Variants in AFF2 observed in about 807,000 individuals in gnomAD.
AFF2 encodes the protein AF4/FMR2 family member 2.
A neutral mutation model predicts 76.9 loss-of-function variants in AFF2; 14 were observed. The observed-to-expected ratio is 0.18, with a 90% CI of 0.12 to 0.28. The LOEUF (loss-of-function observed/expected upper bound fraction) is 0.28, where lower values mean the gene tolerates loss of function less well. Ranked by LOEUF, AFF2 falls within the 10% of genes least tolerant of loss-of-function variation. AFF2 has a pLI of 1.00. For missense variants in AFF2, 868 were observed against 1,001.1 expected (o/e 0.87, Z 1.79); for synonymous variants, 398 against 366.7 (o/e 1.09, Z -0.98).
chrX:148,714,437 T>C (rs1338885449), intron 3 of AFF2, among the ~76,000 whole-genome samples: 1 of 111,738 alleles, frequency 8.9e-6, no homozygotes, highest in Non-Finnish European at 1.9e-5. Context: ...GCTTATTTTT[T>C]TAAGATAGAA....
intron 3 of AFF2, among the ~76,000 whole-genome samples, chrX:148,721,155 A>C (rs1557263775): frequency 8.9e-6 from 1 of 112,098 alleles, no homozygotes; most frequent in Non-Finnish European, 1.9e-5. Context: ...TGTATTTTAC[A>C]ATCAAAGTGA....
intron 1 of AFF2, among the ~76,000 whole-genome samples, chrX:148,647,446 T>C (rs2054154943): frequency 9.0e-6 from 1 of 111,505 alleles, no homozygotes; most frequent in Non-Finnish European, 1.9e-5. Flanking sequence ...CTGAAACTGG[T>C]TTTTACTCTC....
intron 3 of AFF2, among the ~76,000 whole-genome samples, chrX:148,694,225 G>A (rs2124505877): frequency 9.1e-6 from 1 of 109,432 alleles, no homozygotes; most frequent in South Asian, 4.1e-4. Context: ...CTAGAGACGA[G>A]TTAGTGGGTG....
chrX:148,989,800 A>T (rs994678386), intron 20 of AFF2, among the ~76,000 whole-genome samples: 2 of 112,354 alleles, frequency 1.8e-5, no homozygotes, highest in Admixed American at 9.4e-5. Flanking sequence ...GCAGCTGCAG[A>T]TGGCTTATTG....
At chrX:148,629,026 A>G (rs1427550968) in intron 1 of AFF2, among the ~76,000 whole-genome samples, 1 of 111,826 alleles carries the variant, frequency 8.9e-6, no homozygotes, top group Non-Finnish European at 1.9e-5. Flanking sequence ...TTTTAAAGTA[A>G]TTATCCAAGG....
intron 19 of AFF2, among the ~76,000 whole-genome samples, chrX:148,983,965 A>AAAAAAAAAAAAAAAAAAACAAAAAAAC (rs1438744109): frequency 8.0e-5 from 8 of 99,790 alleles, no homozygotes; most frequent in African/African-American, 2.7e-4. Context: ...AAAAAAAAAA[A>AAAAAAAAAAAAAAAAAAACAAAAAAAC]AAACTGCCCT....
intron 1 of AFF2, among the ~76,000 whole-genome samples, chrX:148,565,306 T>C (rs2053156830): frequency 9.0e-6 from 1 of 111,583 alleles, no homozygotes; most frequent in African/African-American, 3.3e-5. Context: ...TTTCTTAGGT[T>C]GTTAAAAAAA....
At chrX:148,743,536 TGG>T (rs2055385800) in intron 3 of AFF2, among the ~76,000 whole-genome samples, 2 of 111,614 alleles carry the variant, frequency 1.8e-5, no homozygotes, top group Admixed American at 1.9e-4. Flanking sequence ...TTTTGTTTGA[TGG>T]GTGGGTATGT....
At chrX:148,645,203 T>C (rs191253413) in intron 1 of AFF2, among the ~76,000 whole-genome samples, 68 of 111,847 alleles carry the variant, frequency 6.1e-4, no homozygotes, top group African/African-American at 1.8e-3. Context: ...CCAAAAGCTA[T>C]AAAGAGATTT....
chrX:148,599,138 C>T (rs1247350606), intron 1 of AFF2, among the ~76,000 whole-genome samples: 1 of 111,909 alleles, frequency 8.9e-6, no homozygotes, highest in Non-Finnish European at 1.9e-5. Context: ...TTATTGTGAC[C>T]CTGTGAAATG....
At chrX:148,947,603 C>CA (rs2071915859) in intron 9 of AFF2, among the ~76,000 whole-genome samples, 1 of 111,685 alleles carries the variant, frequency 9.0e-6, no homozygotes, top group Admixed American at 9.5e-5. Flanking sequence ...CTGACACAGA[C>CA]AAAATGGAAT....
chrX:148,801,381 C>T lies in AFF2; in HGVS notation c.1042-8495C>T, dbSNP rs143142425. On this transcript the variant is annotated intron_variant, in intron 3 of 20. Coordinates refer to ENST00000370460, the MANE Select transcript of AFF2 (RefSeq NM_002025.4). ...CTGTTTTCGAAGACAACTATTCCAA[C>T]CTTTCTTTTCTCTTCCAATTTCCAG... 6.9e-3 allele frequency among the ~76,000 whole-genome samples: 775 copies of T among 111,848 alleles called. 5 individuals carry two copies. Among genetic ancestry groups the T allele is most frequent in the African/African-American group, 0.024 (744 of 30,830 alleles).
At chrX:148,546,562 T>A (rs929391024) in intron 1 of AFF2, among the ~76,000 whole-genome samples, 1 of 112,437 alleles carries the variant, frequency 8.9e-6, no homozygotes, top group African/African-American at 3.2e-5. Context: ...AGAACTGAAT[T>A]TGAGACCCAG....
chrX:148,694,070 C>CA (rs1190124263), intron 3 of AFF2, among the ~76,000 whole-genome samples: 7 of 104,155 alleles, frequency 6.7e-5, no homozygotes, highest in Non-Finnish European at 1.4e-4. Context: ...ATCGCAAGAA[C>CA]AAAAAACCAA....
chrX:148,599,997 C>G (rs1267913162), intron 1 of AFF2, among the ~76,000 whole-genome samples: 1 of 112,193 alleles, frequency 8.9e-6, no homozygotes, highest in African/African-American at 3.2e-5. Flanking sequence ...ACACTTTCTT[C>G]TGTCTGGTGA....
At chrX:148,752,805 G>A (rs73605926) in intron 3 of AFF2, among the ~76,000 whole-genome samples, 6,813 of 111,344 alleles carry the variant, frequency 0.061, 486 homozygotes, top group African/African-American at 0.2. Flanking sequence ...TAGCTTTTTC[G>A]TTATACTATT....
chrX:148,805,146 G>A (rs1463088126), intron 3 of AFF2, among the ~76,000 whole-genome samples: 1 of 111,958 alleles, frequency 8.9e-6, no homozygotes, highest in East Asian at 2.8e-4. Context: ...GATAAATGGG[G>A]AAGTTTGTTA....
intron 1 of AFF2, among the ~76,000 whole-genome samples, chrX:148,531,890 GATTA>G (rs781835554): frequency 2.0e-3 from 153 of 74,915 alleles, no homozygotes; most frequent in Non-Finnish European, 3.0e-3. Context: ...ATTGATAGAA[GATTA>G]ATTATCTTTT....
intron 9 of AFF2, among the ~76,000 whole-genome samples, chrX:148,924,799 C>A (rs782384994): frequency 8.9e-6 from 1 of 111,898 alleles, no homozygotes; most frequent in African/African-American, 3.2e-5. Flanking sequence ...TTTCAACAAC[C>A]TTTGGGTAAT....
Sources: gnomAD v4.1 joint callset for allele counts (sites outside exome capture counted in the v4.1 genomes callset) on GRCh38, gnomAD v4.1.1 for gene constraint, MANE v1.5 for transcripts, NCBI Gene and HGNC (gene_info 2026-07-23, HGNC 2026-07-21) for gene names.